Variants in GPC6 observed in about 807,000 individuals in gnomAD.
GPC6 encodes the protein glypican 6, also known as glypican-6.
GPC6 carries 14 observed loss-of-function variants against 55.2 expected under a neutral mutation model. The observed-to-expected ratio is 0.25, with a 90% CI of 0.17 to 0.40. The LOEUF (loss-of-function observed/expected upper bound fraction) is 0.40. GPC6 is among the 10% of genes least tolerant of loss of function. The pLI is 1.00. For missense variants in GPC6, 641 were observed against 708.5 expected, an observed-to-expected ratio of 0.90 and a Z score of 1.08; for synonymous variants, 278 against 259.6, an observed-to-expected ratio of 1.07 and a Z score of -0.68.
chr13:93,945,870 G>T (rs1878983625), intron 3 of GPC6, among the ~76,000 whole-genome samples: 1 of 152,080 alleles, frequency 6.6e-6, no homozygotes, highest in South Asian at 2.1e-4. Flanking sequence ...TTGTTAATGG[G>T]TAGCAACAAG....
At chr13:94,009,578 A>G (rs890961507) in intron 3 of GPC6, among the ~76,000 whole-genome samples, 2 of 152,144 alleles carry the variant, frequency 1.3e-5, no homozygotes, top group African/African-American at 4.8e-5. Context: ...TCAGTCTTAG[A>G]TCTATTTTAG....
chr13:93,634,512 C>T (rs1879611734), intron 2 of GPC6, among the ~76,000 whole-genome samples: 1 of 152,120 alleles, frequency 6.6e-6, no homozygotes, highest in Admixed American at 6.6e-5. Flanking sequence ...ACAAATTTGA[C>T]TTTTTATTTT....
In GPC6 at chr13:94,216,162, G is replaced by A. The variant is rs558550511; in HGVS notation, c.878-70187G>A. Among the ~76,000 whole-genome samples, 6 of 152,266 alleles carry A rather than the reference G, an allele frequency of 3.9e-5. No homozygotes were observed. The South Asian group carries it at 1.2e-3, about 32-fold the overall frequency. On this transcript the variant is annotated intron_variant, in intron 4 of 8. Coordinates refer to ENST00000377047, the MANE Select transcript of GPC6 (RefSeq NM_005708.5). Reference sequence around the variant, plus strand: ...CCTCATTGTATTCATTTCTCTCTAAGCAAGCTAAGAAATCTTTTGTTTTGT... The same window carrying A: ...CCTCATTGTATTCATTTCTCTCTAAACAAGCTAAGAAATCTTTTGTTTTGT...
intron 1 of GPC6, among the ~76,000 whole-genome samples, chr13:93,410,028 A>C (rs1268545048): frequency 6.6e-6 from 1 of 152,176 alleles, no homozygotes; most frequent in African/African-American, 2.4e-5. Flanking sequence ...ACTGGCCTAC[A>C]TCCAAAGCTG....
At chr13:94,313,093 G>A (rs922198230) in intron 6 of GPC6, among the ~76,000 whole-genome samples, 7 of 152,062 alleles carry the variant, frequency 4.6e-5, no homozygotes, top group South Asian at 2.1e-4. Context: ...ATAAAAAAAC[G>A]TTAAAACCAA....
chr13:93,960,323 T>C (rs1437718867), intron 3 of GPC6, among the ~76,000 whole-genome samples: 2 of 152,218 alleles, frequency 1.3e-5, no homozygotes, highest in Non-Finnish European at 2.9e-5. Flanking sequence ...CACTGATCTA[T>C]ATCATTCCCT....
intron 3 of GPC6, among the ~76,000 whole-genome samples, chr13:93,907,007 G>C (rs1369462646): frequency 6.6e-6 from 1 of 152,124 alleles, no homozygotes; most frequent in African/African-American, 2.4e-5. Flanking sequence ...AAGAACTAGA[G>C]TTAACTTTTC....
intron 3 of GPC6, among the ~76,000 whole-genome samples, chr13:93,849,118 T>A (rs1444647187): frequency 1.3e-5 from 2 of 152,102 alleles, no homozygotes; most frequent in Non-Finnish European, 2.9e-5. Flanking sequence ...TCCTTATCAT[T>A]CCTCAGAGCA....
chr13:93,833,122 A>AT (rs1566559378), intron 3 of GPC6, among the ~76,000 whole-genome samples: 9 of 126,190 alleles, frequency 7.1e-5, no homozygotes, highest in African/African-American at 2.8e-4. Context: ...AGAGAGAGAG[A>AT]GAGAGAGAGA....
intron 2 of GPC6, among the ~76,000 whole-genome samples, chr13:93,824,399 G>A (rs1887161376): frequency 6.6e-6 from 1 of 152,182 alleles, no homozygotes; most frequent in African/African-American, 2.4e-5. Flanking sequence ...GTAGCATGCT[G>A]GGCATTGCTT....
intron 2 of GPC6, among the ~76,000 whole-genome samples, chr13:93,634,048 A>C (rs1879592804): frequency 6.6e-6 from 1 of 152,192 alleles, no homozygotes; most frequent in Non-Finnish European, 1.5e-5. Flanking sequence ...ATACTTTTGA[A>C]TGTACTGATG....
chr13:93,310,444 G>A (rs1879028080), intron 1 of GPC6, among the ~76,000 whole-genome samples: 2 of 152,120 alleles, frequency 1.3e-5, no homozygotes, highest in South Asian at 4.1e-4. Flanking sequence ...CCCTCAGGAG[G>A]CACTTTGGAA....
intron 3 of GPC6, among the ~76,000 whole-genome samples, chr13:93,846,388 A>G (rs1048607141): frequency 2.0e-5 from 3 of 152,214 alleles, no homozygotes; most frequent in Non-Finnish European, 4.4e-5. Context: ...CACAGAGCCT[A>G]TGCTGTAATA....
At chr13:93,558,138 GA>G (rs1441236708) in intron 2 of GPC6, among the ~76,000 whole-genome samples, 1 of 152,058 alleles carries the variant, frequency 6.6e-6, no homozygotes, top group Non-Finnish European at 1.5e-5. Context: ...AACTCTCTGG[GA>G]AAAAAATTTA....
chr13:93,923,320 G>A lies in GPC6; in HGVS notation c.711+92775G>A, dbSNP rs1877672227. On this transcript the variant is annotated intron_variant, in intron 3 of 8. Transcript: ENST00000377047. ...ATAGAATCATAGAAAGGCAGTAATTGTTCGGGGAAAAGGGCAGCTGTTTCC... is the reference window on the plus strand; with the variant it reads ...ATAGAATCATAGAAAGGCAGTAATTATTCGGGGAAAAGGGCAGCTGTTTCC... Among the ~76,000 whole-genome samples the A allele has an allele frequency of 2.6e-5, 4 of 152,250 alleles. No homozygotes were observed. In the South Asian group the frequency reaches 8.3e-4, roughly 32 times the overall value.
intron 4 of GPC6, among the ~76,000 whole-genome samples, chr13:94,233,115 T>C (rs1890782296): frequency 6.6e-6 from 1 of 151,120 alleles, no homozygotes; most frequent in African/African-American, 2.4e-5. Context: ...CACCACAATG[T>C]ACCCATCACT....
chr13:93,748,067 T>C (rs555857927), intron 2 of GPC6, among the ~76,000 whole-genome samples: 62 of 152,320 alleles, frequency 4.1e-4, no homozygotes, highest in Non-Finnish European at 3.8e-4. Context: ...TTGCTTCTGA[T>C]TGACTGTCTT....
At chr13:94,208,847 AGCCCAGGAGCTC>A (rs1889986117) in intron 4 of GPC6, among the ~76,000 whole-genome samples, 1 of 150,300 alleles carries the variant, frequency 6.7e-6, no homozygotes, top group Non-Finnish European at 1.5e-5. Flanking sequence ...GGATCGCTTG[AGCCCAGGAGCTC>A]AAGGCTGCTG....
intron 1 of GPC6, among the ~76,000 whole-genome samples, chr13:93,479,616 C>T (rs932715712): frequency 1.1e-5 from 1 of 92,384 alleles, no homozygotes; most frequent in Non-Finnish European, 2.4e-5. Flanking sequence ...AGACCCCCCC[C>T]CATCTCTACT....
Sources: gnomAD v4.1 joint callset for allele counts (sites outside exome capture counted in the v4.1 genomes callset) on GRCh38, gnomAD v4.1.1 for gene constraint, MANE v1.5 for transcripts, NCBI Gene and HGNC (gene_info 2026-07-23, HGNC 2026-07-21) for gene names.